Variants in SGPP2 observed in about 807,000 individuals in gnomAD.
The protein encoded by SGPP2 is sphingosine-1-phosphate phosphatase 2, also known as sphingosine 1-phosphate phosphohydrolase 2.
A neutral mutation model predicts 33.9 loss-of-function variants in SGPP2; 30 were observed. The observed-to-expected ratio is 0.89, with a 90% CI of 0.66 to 1.20. SGPP2 has a LOEUF of 1.20. SGPP2 is among the 50% of genes most tolerant of loss of function. SGPP2 has a pLI of 0.00. For missense variants in SGPP2, 458 were observed against 532.1 expected, an observed-to-expected ratio of 0.86 and a Z score of 1.37; for synonymous variants, 233 against 225.0, an observed-to-expected ratio of 1.04 and a Z score of -0.32.
At chr2:222,519,181 A>G (rs1698647778) in intron 2 of SGPP2, among the ~76,000 whole-genome samples, 1 of 152,270 alleles carries the variant, frequency 6.6e-6, no homozygotes, top group African/African-American at 2.4e-5. Flanking sequence ...AGCCCACAAC[A>G]AAGTGATTTG....
Position 222,424,647 on chromosome 2 carries a change from C to T in SGPP2, c.45C>T (p.Ala15=). 7.0e-7 allele frequency: 1 copy of T among 1,429,418 alleles called. No homozygotes were observed. The highest frequency in any genetic ancestry group is 9.2e-7 in the Non-Finnish European group (1 of 1,089,494). 88.5% of individuals were successfully genotyped at this position (1,429,418 alleles called of 1,614,324 possible). A position where few individuals can be genotyped will look rare whatever the true frequency, so the allele number is the denominator to read the frequency against. Reference sequence around the variant, plus strand: ...GCCTGCAGGATTCCCAGCTCGTCGCCCGCTTCCAGCGCCGCTGCGGGCTCT... The same window carrying T: ...GCCTGCAGGATTCCCAGCTCGTCGCTCGCTTCCAGCGCCGCTGCGGGCTCT... ...LRSLQDSQLV[A]RFQRRCGLFP... is the part of the protein sequence containing the mutation. The change falls in exon 1 of 5, where the codon GCC becomes GCT. Residue 15 remains alanine (A), a synonymous_variant. Coordinates refer to ENST00000321276, the MANE Select transcript of SGPP2 (RefSeq NM_152386.4).
At position 222,558,768 on chromosome 2, in the gene SGPP2, T is replaced by A; in HGVS notation, c.1070T>A (p.Val357Asp). ...GTATTATACTCATGGTTCAAGGTGGTCACCAGGAACAAGGAGGCCAGGCGG... is the reference window on the plus strand; with the variant it reads ...GTATTATACTCATGGTTCAAGGTGGACACCAGGAACAAGGAGGCCAGGCGG... ...LQVLYSWFKV[V>D]TRNKEARRRL... Residue 357 changes from valine to aspartate, a missense_variant, in exon 5 of 5, where the codon GTC becomes GAC. Val to Asp is a radical substitution (Grantham distance 152). Coordinates refer to ENST00000321276, the MANE Select transcript of SGPP2 (RefSeq NM_152386.4). 2 of 1,614,162 alleles carry A rather than the reference T, an allele frequency of 1.2e-6. No individual in the cohort carries two copies. The highest frequency in any genetic ancestry group is 1.7e-6 in the Non-Finnish European group (2 of 1,180,038).
intron 4 of SGPP2, among the ~76,000 whole-genome samples, chr2:222,530,337 G>A (rs1698820144): frequency 6.6e-6 from 1 of 152,226 alleles, no homozygotes; most frequent in Non-Finnish European, 1.5e-5. Context: ...AGCTGTGAAA[G>A]TCCTAGATGG....
intron 2 of SGPP2, among the ~76,000 whole-genome samples, chr2:222,498,919 C>T (rs1698324494): frequency 6.6e-6 from 1 of 152,168 alleles, no homozygotes; most frequent in Non-Finnish European, 1.5e-5. Context: ...TACCATCATC[C>T]TTTCTGGTTG....
chr2:222,554,361 A>G (rs972426145), intron 4 of SGPP2, among the ~76,000 whole-genome samples: 1 of 152,236 alleles, frequency 6.6e-6, no homozygotes, highest in African/African-American at 2.4e-5. Context: ...TGGCTATATC[A>G]TAGTTCAATT....
chr2:222,438,491 A>T (rs1697277944), intron 1 of SGPP2, among the ~76,000 whole-genome samples: 1 of 152,252 alleles, frequency 6.6e-6, no homozygotes, highest in Non-Finnish European at 1.5e-5. Context: ...CAGTAAAGGT[A>T]TATTGCTGGC....
At position 222,536,275 on chromosome 2, in the gene SGPP2, G is replaced by A. The variant is rs563132619; in HGVS notation, c.648+11242G>A. ...TTTGTGAAGTCACCTTCTGTAAAACGAATCTGACCTTCCCATTTATTTGCA... is the reference window on the plus strand; with the variant it reads ...TTTGTGAAGTCACCTTCTGTAAAACAAATCTGACCTTCCCATTTATTTGCA... On this transcript the variant is annotated intron_variant, in intron 4 of 4. Transcript: ENST00000321276. Among the ~76,000 whole-genome samples the A allele has an allele frequency of 3.2e-4, 48 of 152,252 alleles. No individual in the cohort carries two copies. The South Asian group carries it at 7.5e-3, about 24-fold the overall frequency.
intron 4 of SGPP2, among the ~76,000 whole-genome samples, chr2:222,554,967 A>G (rs1364643531): frequency 2.6e-5 from 4 of 152,188 alleles, no homozygotes; most frequent in Admixed American, 1.3e-4. Context: ...GAACAGTTGC[A>G]TCATCCTCAA....
chr2:222,454,515 AC>A (rs2106078765), intron 1 of SGPP2, among the ~76,000 whole-genome samples: 2 of 152,350 alleles, frequency 1.3e-5, no homozygotes, highest in South Asian at 4.1e-4. Context: ...TCCCTTTCAG[AC>A]CTATGGGTCA....
intron 2 of SGPP2, among the ~76,000 whole-genome samples, chr2:222,507,306 T>G (rs1259497740): frequency 6.6e-6 from 1 of 152,144 alleles, no homozygotes; most frequent in Non-Finnish European, 1.5e-5. Flanking sequence ...TAGTAATCAA[T>G]CGGTCAAAAC....
At chr2:222,488,471 G>A (rs1197727031) in intron 2 of SGPP2, among the ~76,000 whole-genome samples, 1 of 152,168 alleles carries the variant, frequency 6.6e-6, no homozygotes, top group Non-Finnish European at 1.5e-5. Flanking sequence ...GATGATCTGA[G>A]GTGGAACAGT....
rs1197095282 is a variant in SGPP2 at position 222,559,113 on chromosome 2, G to C, written c.*215G>C. On this transcript the variant is annotated 3_prime_UTR_variant, in exon 5 of 5. Transcript: ENST00000321276. ...CGTGGTGGTTGGTTGTGCTACAGTT[G>C]AACCCAGGCTAAAGACCATAATCCG... 2.3e-6 allele frequency: 1 copy of C among 433,870 alleles called. No individual in the cohort carries two copies. The highest frequency in any genetic ancestry group is 2.1e-5 in the African/African-American group (1 of 48,592). 26.9% of individuals were successfully genotyped at this position (433,870 alleles called of 1,614,324 possible).
At chr2:222,436,184 T>C (rs1235178219) in intron 1 of SGPP2, among the ~76,000 whole-genome samples, 1 of 152,188 alleles carries the variant, frequency 6.6e-6, no homozygotes, top group African/African-American at 2.4e-5. Flanking sequence ...CAGATGGCAA[T>C]CTTAACTTCC....
intron 1 of SGPP2, among the ~76,000 whole-genome samples, chr2:222,428,825 C>A (rs910608791): frequency 6.7e-5 from 9 of 133,532 alleles, no homozygotes; most frequent in Non-Finnish European, 1.4e-4. Flanking sequence ...AGAGTCTCAC[C>A]CTGTCATCCA....
At chr2:222,530,983 A>G (rs1698830328) in intron 4 of SGPP2, among the ~76,000 whole-genome samples, 1 of 152,174 alleles carries the variant, frequency 6.6e-6, no homozygotes. Context: ...GTAGTGAGGT[A>G]TGCTTGTACA....
intron 1 of SGPP2, among the ~76,000 whole-genome samples, chr2:222,425,449 C>CGACACCA (rs1186418295): frequency 6.6e-6 from 1 of 152,196 alleles, no homozygotes; most frequent in Non-Finnish European, 1.5e-5. Context: ...TTTTATGGAC[C>CGACACCA]GACACCAGTG....
chr2:222,499,445 T>C (rs1038729831), intron 2 of SGPP2, among the ~76,000 whole-genome samples: 44 of 152,222 alleles, frequency 2.9e-4, no homozygotes, highest in African/African-American at 9.2e-4. Context: ...GGCAGAGGAC[T>C]CCAGGATTCT....
At chr2:222,534,799 A>G (rs977921735) in intron 4 of SGPP2, among the ~76,000 whole-genome samples, 3 of 152,230 alleles carry the variant, frequency 2.0e-5, no homozygotes, top group African/African-American at 7.2e-5. Context: ...CTAGAGAGAC[A>G]TATTTTTACC....
intron 1 of SGPP2, 46 bp from the exon 2 acceptor site, chr2:222,474,522 G>T: frequency 1.3e-6 from 2 of 1,577,574 alleles, no homozygotes; most frequent in South Asian, 1.1e-5. Flanking sequence ...TTTAAAACTT[G>T]ACATATTGCA....
Sources: gnomAD v4.1 joint callset for allele counts (sites outside exome capture counted in the v4.1 genomes callset) on GRCh38, gnomAD v4.1.1 for gene constraint, MANE v1.5 for transcripts, NCBI Gene and HGNC (gene_info 2026-07-23, HGNC 2026-07-21) for gene names.